Variants in HTR2C observed in about 807,000 individuals in gnomAD.
HTR2C encodes the protein 5-hydroxytryptamine receptor 2C.
In HTR2C, 5 loss-of-function variants were observed where a neutral mutation model predicts 21.0. The observed-to-expected ratio is 0.24, with a 90% CI of 0.12 to 0.50. HTR2C has a LOEUF of 0.50. Ranked by LOEUF, HTR2C falls within the 20% of genes least tolerant of loss-of-function variation. The pLI, the probability that HTR2C is intolerant of heterozygous loss-of-function variation, is 0.98. For synonymous variants in HTR2C, 150 were observed against 145.3 expected (o/e 1.03, Z -0.23); for missense variants, 271 against 371.2 (o/e 0.73, Z 2.22).
intron 2 of HTR2C, 45 bp downstream of exon 2, chrX:114,613,926 A>G (rs886417663): frequency 1.8e-5 from 2 of 112,118 alleles, no homozygotes; most frequent in Admixed American, 1.9e-4. Flanking sequence ...ATTTTGAAAT[A>G]ATATTCAACT....
At chrX:114,664,890 T>C (rs1602673195) in intron 2 of HTR2C, among the ~76,000 whole-genome samples, 1 of 112,216 alleles carries the variant, frequency 8.9e-6, no homozygotes, top group East Asian at 2.8e-4. Context: ...AAGGTGGAAT[T>C]TTCGACAATG....
intron 2 of HTR2C, among the ~76,000 whole-genome samples, chrX:114,642,597 T>G (rs187073889): frequency 8.9e-6 from 1 of 112,045 alleles, no homozygotes; most frequent in Non-Finnish European, 1.9e-5. Flanking sequence ...TAGATGCCAG[T>G]CAGATTAATA....
At chrX:114,705,878 C>G (rs1372994570) in intron 2 of HTR2C, among the ~76,000 whole-genome samples, 11 of 67,063 alleles carry the variant, frequency 1.6e-4, no homozygotes, top group Non-Finnish European at 2.6e-4. Context: ...ACAAACAACC[C>G]CATCAAAAAG....
chrX:114,761,051 T>C (rs781994703), intron 4 of HTR2C, among the ~76,000 whole-genome samples: 7 of 111,560 alleles, frequency 6.3e-5, no homozygotes, highest in Non-Finnish European at 1.1e-4. Context: ...TTTTCTTAAT[T>C]AGAGGAAGTG....
At chrX:114,650,681 CTCT>C (rs1179486708) in intron 2 of HTR2C, among the ~76,000 whole-genome samples, 1 of 111,980 alleles carries the variant, frequency 8.9e-6, no homozygotes, top group Non-Finnish European at 1.9e-5. Flanking sequence ...TTTATTTGTT[CTCT>C]TCTTTATTAT....
intron 4 of HTR2C, among the ~76,000 whole-genome samples, chrX:114,755,107 G>A (rs1347316792): frequency 9.1e-6 from 1 of 110,343 alleles, no homozygotes; most frequent in African/African-American, 3.3e-5. Flanking sequence ...AGGTGTGGTG[G>A]CAGGCGCCTG....
At chrX:114,860,988 A>T (rs1009490534) in intron 5 of HTR2C, among the ~76,000 whole-genome samples, 6 of 111,740 alleles carry the variant, frequency 5.4e-5, no homozygotes, top group African/African-American at 1.6e-4. Flanking sequence ...AGGTTACTAT[A>T]GTGAAGCAAA....
chrX:114,637,765 C>G (rs1478625493), intron 2 of HTR2C, among the ~76,000 whole-genome samples: 2 of 111,077 alleles, frequency 1.8e-5, no homozygotes, highest in African/African-American at 3.3e-5. Context: ...CACTGACGTG[C>G]AGAGTGAGTA....
rs1238706171 is a variant in HTR2C at position 114,907,538 on chromosome X, T to C, written c.*123T>C. The C allele has an allele frequency of 5.9e-6, 3 of 505,084 alleles. No individual in the cohort carries two copies. The African/African-American group carries it at 7.1e-5, about 12-fold the overall frequency. 41.6% of individuals were successfully genotyped at this position (505,084 alleles called of 1,213,427 possible). A position where few individuals can be genotyped will look rare whatever the true frequency, so the allele number is the denominator to read the frequency against. On this transcript the variant is annotated 3_prime_UTR_variant, in exon 6 of 6. Transcript: ENST00000276198. ...CTGTCTGAAAAAGTGTTTTTACATA[T>C]AGCTTTGCAACCTTGTACTTTACAA...
intron 1 of HTR2C, among the ~76,000 whole-genome samples, chrX:114,599,876 G>T (rs781810844): frequency 2.7e-5 from 3 of 111,803 alleles, no homozygotes; most frequent in Non-Finnish European, 5.7e-5. Flanking sequence ...TAGGTAGTTT[G>T]AATTTTCTAT....
chrX:114,631,231 G>C (rs1037557347), intron 2 of HTR2C, among the ~76,000 whole-genome samples: 2 of 110,264 alleles, frequency 1.8e-5, no homozygotes, highest in Admixed American at 1.9e-4. Context: ...CCTTGAACCT[G>C]GGAGGTGGAG....
chrX:114,606,785 C>T (rs1928458458), intron 1 of HTR2C, among the ~76,000 whole-genome samples: 2 of 111,657 alleles, frequency 1.8e-5, no homozygotes, highest in Admixed American at 1.9e-4. Flanking sequence ...CAAGTCACAG[C>T]ACCAAATTTC....
At chrX:114,698,155 A>G (rs1347923723) in intron 2 of HTR2C, among the ~76,000 whole-genome samples, 1 of 112,114 alleles carries the variant, frequency 8.9e-6, no homozygotes, top group African/African-American at 3.2e-5. Flanking sequence ...AAGCTTTTTC[A>G]TGCTTCACTT....
At chrX:114,800,261 T>C (rs2070332768) in intron 4 of HTR2C, among the ~76,000 whole-genome samples, 1 of 111,558 alleles carries the variant, frequency 9.0e-6, no homozygotes. Context: ...ATTTGGAGAT[T>C]ATTGTTTGGA....
intron 4 of HTR2C, among the ~76,000 whole-genome samples, chrX:114,836,021 G>T (rs1218489527): frequency 2.7e-4 from 29 of 108,105 alleles, no homozygotes; most frequent in Non-Finnish European, 4.4e-4. Context: ...GCTGCTCGGG[G>T]GTCAGGGGTC....
chrX:114,763,930 C>G (rs1016848696), intron 4 of HTR2C, among the ~76,000 whole-genome samples: 1 of 111,525 alleles, frequency 9.0e-6, no homozygotes, highest in Non-Finnish European at 1.9e-5. Flanking sequence ...AAAAAAATTT[C>G]TTTACCGGGT....
intron 2 of HTR2C, among the ~76,000 whole-genome samples, chrX:114,646,782 TAC>T (rs1458747442): frequency 8.9e-6 from 1 of 112,404 alleles, no homozygotes; most frequent in Non-Finnish European, 1.9e-5. Flanking sequence ...CCAGTAGTTT[TAC>T]AGTTTCAAGT....
intron 2 of HTR2C, among the ~76,000 whole-genome samples, chrX:114,719,053 AATT>A (rs1933100986): frequency 2.9e-5 from 3 of 103,959 alleles, no homozygotes; most frequent in Non-Finnish European, 5.8e-5. Flanking sequence ...TTAATAATAT[AATT>A]ATAATTATAA....
intron 5 of HTR2C, among the ~76,000 whole-genome samples, chrX:114,898,797 C>T (rs782648913): frequency 3.6e-5 from 4 of 111,552 alleles, no homozygotes; most frequent in Non-Finnish European, 7.5e-5. Context: ...GTTACTGTGG[C>T]CGAATAGTAT....
Sources: gnomAD v4.1 joint callset for allele counts (sites outside exome capture counted in the v4.1 genomes callset) on GRCh38, gnomAD v4.1.1 for gene constraint, MANE v1.5 for transcripts, NCBI Gene and HGNC (gene_info 2026-07-23, HGNC 2026-07-21) for gene names.